The following ANK3 variants were observed in gnomAD, a reference collection of about 807,000 sequenced individuals.
ANK3 encodes ankyrin 3, also known as ankyrin-3.
A neutral mutation model predicts 370.9 loss-of-function variants in ANK3; 57 were observed. That is an observed-to-expected ratio of 0.15 (90% CI 0.12 to 0.19). The LOEUF is 0.19. Ranked by LOEUF, ANK3 falls within the 10% of genes least tolerant of loss-of-function variation. ANK3 has a pLI of 1.00. For missense variants in ANK3, 4,439 were observed against 5,302.1 expected, an observed-to-expected ratio of 0.84 and a Z score of 5.06; for synonymous variants, 1,929 against 1,946.3, an observed-to-expected ratio of 0.99 and a Z score of 0.23.
chr10:60,263,832 C>T lies in ANK3; in HGVS notation c.699+3G>A. ...TGACAGGCCCGTGTCCCTCGTGCCT[C>T]ACCTTTGATTCCACATCTGCATTGT... On this transcript the variant is annotated splice_donor_region_variant and intron_variant, in intron 6 of 43. Coordinates refer to ENST00000280772, the MANE Select transcript of ANK3 (RefSeq NM_020987.5). 1 of 1,613,668 alleles carries T rather than the reference C, an allele frequency of 6.2e-7. No individual in the cohort carries two copies. The highest frequency in any genetic ancestry group is 8.5e-7 in the Non-Finnish European group (1 of 1,179,984).
intron 28 of ANK3, among the ~76,000 whole-genome samples, chr10:60,102,339 G>C (rs947415680): frequency 6.6e-6 from 1 of 152,046 alleles, no homozygotes; most frequent in Non-Finnish European, 1.5e-5. Context: ...CTGATTGAGT[G>C]ATTCTCATAT....
At chr10:60,680,059 C>A (rs2079174207) in intron 1 of ANK3, among the ~76,000 whole-genome samples, 1 of 146,248 alleles carries the variant, frequency 6.8e-6, no homozygotes, top group Non-Finnish European at 1.5e-5. Context: ...CGCTTAAACC[C>A]AGGAGGCAGA....
chr10:60,037,422 A>G (rs1019481383), intron 43 of ANK3, among the ~76,000 whole-genome samples: 2 of 152,044 alleles, frequency 1.3e-5, no homozygotes, highest in African/African-American at 4.8e-5. Flanking sequence ...CTAGTACCCA[A>G]TAGTTACTTT....
At chr10:60,246,160 G>A (rs929216458) in intron 7 of ANK3, among the ~76,000 whole-genome samples, 1 of 150,464 alleles carries the variant, frequency 6.6e-6, no homozygotes, top group African/African-American at 2.5e-5. Context: ...GGAGGCTGAT[G>A]CACGAGAATT....
intron 40 of ANK3, chr10:60,062,234 C>T (rs1284486770): frequency 6.6e-6 from 1 of 151,438 alleles, no homozygotes; most frequent in African/African-American, 2.4e-5. Flanking sequence ...TGCCATTGCA[C>T]TCCAGCTTAG....
Position 60,108,848 on chromosome 10 carries a change from G to A in ANK3, c.3155C>T (p.Ala1052Val). 6.2e-7 allele frequency: 1 copy of A among 1,614,056 alleles called. No homozygotes were observed. ...AACTTACCCTAAAAATTGTGCCCCT[G>A]CAGGACCCATTTCTACCAGCCTACT... ...LASRLVEMGPAGAQFLGPVIV... is the reference protein window; with the variant it reads ...LASRLVEMGPVGAQFLGPVIV... Residue 1052 changes from alanine to valine, a missense_variant, in exon 27 of 44, where the codon GCA (alanine) becomes GTA (valine). Transcript: ENST00000280772.
chr10:60,040,178 G>A (rs1271955265), intron 43 of ANK3, among the ~76,000 whole-genome samples: 1 of 152,076 alleles, frequency 6.6e-6, no homozygotes, highest in Non-Finnish European at 1.5e-5. Context: ...GAAAAGCAGG[G>A]GCAGAGTTCA....
chr10:60,071,076 T>C lies in ANK3; in HGVS notation c.9805A>G (p.Lys3269Glu), dbSNP rs374277448. ...PLDADQIESD[K>E]KHHYLPEKEV... ...TTTTCTGGGAGATAATGATGCTTCT[T>C]ATCTGACTCAATCTGGTCCGCATCC... Residue 3269 changes from lysine (K) to glutamate (E), a missense_variant, in exon 37 of 44, where the codon AAG (lysine) becomes GAG (glutamate). Lys to Glu is a moderately conservative substitution (Grantham distance 56). Transcript: ENST00000280772. 2 of 1,614,036 alleles carry C rather than the reference T, an allele frequency of 1.2e-6. No individual in the cohort carries two copies. The highest frequency in any genetic ancestry group is 1.7e-6 in the Non-Finnish European group (2 of 1,180,012).
At chr10:60,691,032 G>A (rs1334759744) in intron 1 of ANK3, among the ~76,000 whole-genome samples, 6 of 152,090 alleles carry the variant, frequency 3.9e-5, no homozygotes, top group Non-Finnish European at 8.8e-5. Flanking sequence ...TATTAATAAC[G>A]TCACTGAACA....
rs1174191821 is a variant in ANK3 at position 60,055,912 on chromosome 10, G to C, written c.12811C>G (p.Gln4271Glu). The C allele has an allele frequency of 1.2e-6, 2 of 1,614,070 alleles. No individual in the cohort carries two copies. The highest frequency in any genetic ancestry group is 2.2e-5 in the South Asian group (2 of 91,058). ...GTACTCTGTTTTCCTACATCATTTTGGGATTCTGGAAAGTAAGATTTTGTC... is the reference window on the plus strand; with the variant it reads ...GTACTCTGTTTTCCTACATCATTTTCGGATTCTGGAAAGTAAGATTTTGTC... ...AKTKSYFPESQNDVGKQSTKE... is the reference protein window; with the variant it reads ...AKTKSYFPESENDVGKQSTKE... The change falls in exon 42 of 44, where the codon CAA (glutamine) becomes GAA (glutamate). Residue 4271 changes from glutamine to glutamate, a missense_variant. Around this residue, in one of 13 missense-constraint regions of ANK3, gnomAD observed 242 missense variants for 228.0 expected, o/e 1.06. Coordinates refer to ENST00000280772, the MANE Select transcript of ANK3 (RefSeq NM_020987.5).
intron 13 of ANK3, among the ~76,000 whole-genome samples, chr10:60,199,225 G>A (rs16914616): frequency 0.11 from 16,280 of 152,184 alleles, 1,196 homozygotes; most frequent in East Asian, 0.29. Context: ...GATCCCTGTG[G>A]TAGTCCTCTA....
chr10:60,668,078 T>A (rs1357331326), intron 1 of ANK3, among the ~76,000 whole-genome samples: 3 of 151,506 alleles, frequency 2.0e-5, no homozygotes, highest in African/African-American at 7.4e-5. Context: ...TAAAGACCAC[T>A]GCATTAATAT....
At chr10:60,468,350 T>G (rs1156296210) in intron 2 of ANK3, among the ~76,000 whole-genome samples, 2 of 152,242 alleles carry the variant, frequency 1.3e-5, no homozygotes, top group South Asian at 4.2e-4. Flanking sequence ...TCTATAAATG[T>G]GTGAAGAAAT....
intron 7 of ANK3, among the ~76,000 whole-genome samples, chr10:60,256,489 A>G (rs986101863): frequency 6.6e-6 from 1 of 152,240 alleles, no homozygotes; most frequent in Non-Finnish European, 1.5e-5. Flanking sequence ...TTTTAAAAAA[A>G]TAATCTCAAC....
At chr10:60,254,166 T>C (rs1441303133) in intron 7 of ANK3, among the ~76,000 whole-genome samples, 1 of 152,180 alleles carries the variant, frequency 6.6e-6, no homozygotes, top group Non-Finnish European at 1.5e-5. Context: ...ATAAAAGTCA[T>C]GTAAATAGTT....
intron 1 of ANK3, among the ~76,000 whole-genome samples, chr10:60,639,121 TA>T (rs1390768976): frequency 6.6e-6 from 1 of 151,712 alleles, no homozygotes; most frequent in Non-Finnish European, 1.5e-5. Flanking sequence ...GAAAATATGC[TA>T]AAAGCAGACA....
intron 2 of ANK3, chr10:60,615,173 T>A (rs943194882): frequency 6.0e-6 from 9 of 1,488,364 alleles, no homozygotes; most frequent in Non-Finnish European, 8.0e-6. Context: ...AGTTTAGTGA[T>A]AATTTTCATT....
intron 24 of ANK3, chr10:60,138,688 A>G (rs1187877533): frequency 4.1e-6 from 2 of 485,532 alleles, no homozygotes; most frequent in Non-Finnish European, 7.2e-6. Context: ...CAGTTTTGTC[A>G]GTGAGCTCTT....
chr10:60,084,244 A>T (rs1230610138), intron 32 of ANK3: 1 of 155,380 alleles, frequency 6.4e-6, no homozygotes, highest in East Asian at 1.9e-4. Flanking sequence ...ATCTCTACTG[A>T]AAATACAGAA....
Sources: gnomAD v4.1 joint callset for allele counts (sites outside exome capture counted in the v4.1 genomes callset) on GRCh38, gnomAD v4.1.1 for gene constraint, gnomAD v4.1.1 regional missense constraint, MANE v1.5 for transcripts, NCBI Gene and HGNC (gene_info 2026-07-23, HGNC 2026-07-21) for gene names.